The following VAV1 variants were observed in gnomAD, a reference collection of about 807,000 sequenced individuals.
VAV1 encodes the protein proto-oncogene vav.
Under a neutral mutation model 128.1 loss-of-function variants are expected in VAV1, and 33 were observed. That is an observed-to-expected ratio of 0.26 (90% CI 0.20 to 0.34). The LOEUF (loss-of-function observed/expected upper bound fraction) is 0.34, where lower values mean the gene tolerates loss of function less well. VAV1 is among the 10% of genes least tolerant of loss of function. The pLI is 1.00. For missense variants in VAV1, 715 were observed against 1,093.7 expected (o/e 0.65, Z 4.88); for synonymous variants, 394 against 409.8 (o/e 0.96, Z 0.47).
chr19:6,845,420 A>T (rs1333956618), intron 22 of VAV1, among the ~76,000 whole-genome samples: 1 of 152,092 alleles, frequency 6.6e-6, no homozygotes, highest in Admixed American at 6.6e-5. Flanking sequence ...ATAAATAAAT[A>T]AAAATGAGGT....
chr19:6,829,024 G>C, intron 13 of VAV1, 124 bp downstream of exon 13: 1 of 1,111,302 alleles, frequency 9.0e-7, no homozygotes, highest in Non-Finnish European at 1.3e-6. Flanking sequence ...GCGGGGCCGG[G>C]CTTCTAGATG....
At chr19:6,833,151 CTT>C (rs78698684) in intron 15 of VAV1, 31 bp from the exon 16 acceptor site, 22,826 of 1,362,838 alleles carry the variant, frequency 0.017, no homozygotes, top group South Asian at 0.02. Context: ...TACTGACCTT[CTT>C]TTTTTTTTTT....
intron 1 of VAV1, among the ~76,000 whole-genome samples, chr19:6,776,681 C>CATCCACCCAACCACCCATTCACCT (rs1970650990): frequency 6.6e-6 from 1 of 152,004 alleles, no homozygotes; most frequent in Non-Finnish European, 1.5e-5. Context: ...TGTATCCACC[C>CATCCACCCAACCACCCATTCACCT]ATCCACCCAC....
intron 1 of VAV1, among the ~76,000 whole-genome samples, chr19:6,804,658 C>G (rs1434705905): frequency 6.6e-6 from 1 of 151,330 alleles, no homozygotes; most frequent in African/African-American, 2.4e-5. Flanking sequence ...CTCAGGTGTT[C>G]TGCCTGCCTT....
At chr19:6,774,214 G>T (rs1056488157) in intron 1 of VAV1, among the ~76,000 whole-genome samples, 8 of 151,980 alleles carry the variant, frequency 5.3e-5, no homozygotes, top group African/African-American at 1.9e-4. Flanking sequence ...TGCAAGCTCC[G>T]CCTCCCAGGT....
chr19:6,821,725 C>A, intron 3 of VAV1, 45 bp downstream of exon 3: 1 of 1,613,942 alleles, frequency 6.2e-7, no homozygotes, highest in Admixed American at 1.7e-5. Flanking sequence ...CCAGTCCTCC[C>A]CCTCCCTGAA....
intron 25 of VAV1, among the ~76,000 whole-genome samples, chr19:6,853,314 G>A (rs1355257532): frequency 6.6e-6 from 1 of 151,150 alleles, no homozygotes; most frequent in Non-Finnish European, 1.5e-5. Context: ...TGCCTAAGCT[G>A]GAGTGCAGTG....
At chr19:6,844,882 T>G (rs1169943863) in intron 22 of VAV1, among the ~76,000 whole-genome samples, 1 of 151,794 alleles carries the variant, frequency 6.6e-6, no homozygotes. Flanking sequence ...CCAAAAAAAT[T>G]TCGAGATGAA....
chr19:6,856,680 CG>C (rs1292923250), intron 26 of VAV1, among the ~76,000 whole-genome samples: 1 of 147,518 alleles, frequency 6.8e-6, no homozygotes, highest in Non-Finnish European at 1.5e-5. Context: ...GCTGAGATTG[CG>C]CCATTGCACT....
In VAV1 at chr19:6,810,501, C is replaced by T. The variant is rs193075788; in HGVS notation, c.205-10201C>T. Among the ~76,000 whole-genome samples the T allele has an allele frequency of 1.9e-3, 289 of 151,966 alleles. 5 individuals carry two copies. The Middle Eastern group carries it at 0.044, about 23-fold the overall frequency. The stretch of plus-strand genomic sequence containing the variant: ...GGTGGATCCCCTGAGGTCAGGAGTT[C>T]GAGACCAGCCTGGCCTACATGGTGA... On this transcript the variant is annotated intron_variant, in intron 1 of 26. Transcript: ENST00000602142.
chr19:6,819,151 A>G (rs998214991), intron 1 of VAV1, among the ~76,000 whole-genome samples: 12 of 152,158 alleles, frequency 7.9e-5, no homozygotes, highest in Admixed American at 2.0e-4. Flanking sequence ...CAAGCTATCC[A>G]TGAAAACACT....
intron 1 of VAV1, among the ~76,000 whole-genome samples, chr19:6,773,374 G>A (rs1007404794): frequency 6.6e-6 from 1 of 152,178 alleles, no homozygotes; most frequent in Admixed American, 6.5e-5. Context: ...TGGCCATTGG[G>A]TTACCTGAGG....
rs377063484 is a variant in VAV1 at position 6,777,916 on chromosome 19, G to T, written c.204+4905G>T. Among the ~76,000 whole-genome samples the T allele has an allele frequency of 3.9e-5, 6 of 152,034 alleles. No homozygotes were observed. Among genetic ancestry groups the T allele is most frequent in the East Asian group, 1.9e-4 (1 of 5,172 alleles). Reference sequence around the variant, plus strand: ...CCCAGGTTCAAGCAATTCTCCTGCAGCAGCCTCCTGAGTATCTGGGATTAC... The same window carrying T: ...CCCAGGTTCAAGCAATTCTCCTGCATCAGCCTCCTGAGTATCTGGGATTAC... On this transcript the variant is annotated intron_variant, in intron 1 of 26. Transcript: ENST00000602142. The surrounding 1 kb of genome is among the most constrained non-coding windows in gnomAD (Gnocchi z 4.4).
chr19:6,830,464 C>T (rs1388881391), intron 14 of VAV1, among the ~76,000 whole-genome samples: 2 of 151,934 alleles, frequency 1.3e-5, no homozygotes, highest in Admixed American at 6.6e-5. Flanking sequence ...GTTTTTGAGA[C>T]AGTCTCACTC....
At chr19:6,787,715 G>C (rs1012823890) in intron 1 of VAV1, among the ~76,000 whole-genome samples, 1 of 151,920 alleles carries the variant, frequency 6.6e-6, no homozygotes, top group Non-Finnish European at 1.5e-5. Flanking sequence ...TCCTACCTCA[G>C]CTTCCCAAGT....
chr19:6,841,709 C>T lies in VAV1; in HGVS notation c.1981-1426C>T, dbSNP rs113443836. 1.0e-3 allele frequency among the ~76,000 whole-genome samples: 153 copies of T among 150,898 alleles called. 2 individuals carry two copies. The highest frequency in any genetic ancestry group is 3.4e-3 in the African/African-American group (138 of 41,182). ...CAGGCTGGTCTTGAACTCCTGACCT[C>T]GTGATCCGCCTGCCTCGGCCTCCCA... On this transcript the variant is annotated intron_variant, in intron 21 of 26. Transcript: ENST00000602142.
chr19:6,830,847 G>A (rs1568308464), intron 14 of VAV1, among the ~76,000 whole-genome samples: 1 of 152,134 alleles, frequency 6.6e-6, no homozygotes, highest in Non-Finnish European at 1.5e-5. Context: ...CAGTACTTTG[G>A]GAGGCCGAGG....
At chr19:6,836,822 G>A (rs543912685) in intron 20 of VAV1, among the ~76,000 whole-genome samples, 163 bp from the exon 21 acceptor site, 1 of 145,328 alleles carries the variant, frequency 6.9e-6, no homozygotes, top group Admixed American at 6.9e-5. Flanking sequence ...TGACCATTGA[G>A]CAGAGAGATG....
intron 17 of VAV1, 31 bp from the exon 18 acceptor site, chr19:6,833,680 C>T (rs763819169): frequency 2.0e-5 from 32 of 1,613,978 alleles, no homozygotes; most frequent in East Asian, 8.9e-5. Context: ...GAGGATTTCC[C>T]GTTCTCACCA....
Sources: allele counts gnomAD v4.1 joint callset (sites outside exome capture counted in the v4.1 genomes callset), GRCh38; gene constraint gnomAD v4.1.1; non-coding constraint Gnocchi (gnomAD v3.1); transcripts MANE v1.5; gene names NCBI Gene and HGNC (gene_info 2026-07-23, HGNC 2026-07-21).